Variants in POLDIP3 observed in about 807,000 individuals in gnomAD.
POLDIP3 encodes the protein DNA polymerase delta interacting protein 3.
In POLDIP3, 14 loss-of-function variants were observed where a neutral mutation model predicts 45.1. That is an observed-to-expected ratio of 0.31 (90% confidence interval 0.20 to 0.49). POLDIP3 has a LOEUF of 0.49. Ranked by LOEUF, POLDIP3 falls within the 20% of genes least tolerant of loss-of-function variation. The pLI is 0.99. For synonymous variants in POLDIP3, 223 were observed against 205.2 expected (o/e 1.09, Z -0.74); for missense variants, 511 against 538.8 (o/e 0.95, Z 0.51).
chr22:42,595,658 A>T, intron 5 of POLDIP3, 44 bp from the exon 6 acceptor site: 1 of 1,557,932 alleles, frequency 6.4e-7, no homozygotes, highest in Non-Finnish European at 8.8e-7. Flanking sequence ...GATGGCTGAT[A>T]AGCATTCCCA....
Position 42,585,479 on chromosome 22 carries a change from T to G in POLDIP3, c.*312A>C. ...GCCACAAGAAAGCCACCCAGAGAATTCAGTGTACCATTTCCAGATAAGAAA... is the reference window on the plus strand; with the variant it reads ...GCCACAAGAAAGCCACCCAGAGAATGCAGTGTACCATTTCCAGATAAGAAA... On this transcript the variant is annotated 3_prime_UTR_variant, in exon 9 of 9. Transcript: ENST00000252115. 1 of 389,986 alleles carries G rather than the reference T, an allele frequency of 2.6e-6. No individual in the cohort carries two copies. The highest frequency in any genetic ancestry group is 4.9e-6 in the Non-Finnish European group (1 of 205,352). The allele number at this position is 389,986 out of a possible 1,614,324, so 24.2% of individuals were successfully genotyped here.
At chr22:42,602,552 GCCT>G (rs1466189871) in intron 2 of POLDIP3, among the ~76,000 whole-genome samples, 4 of 149,444 alleles carry the variant, frequency 2.7e-5, no homozygotes, top group African/African-American at 4.9e-5. Flanking sequence ...ATTTCTATGG[GCCT>G]CCTTTTTCTT....
chr22:42,603,673 C>T (rs1397105114), intron 1 of POLDIP3: 1 of 155,040 alleles, frequency 6.4e-6, no homozygotes, highest in Non-Finnish European at 1.4e-5. Context: ...GGAAGGCAGA[C>T]ACCATCTACT....
chr22:42,606,335 A>C lies in POLDIP3; in HGVS notation c.60-3175T>G, dbSNP rs1002294186. On this transcript the variant is annotated intron_variant, in intron 1 of 8. Coordinates refer to ENST00000252115, the MANE Select transcript of POLDIP3 (RefSeq NM_032311.5). The stretch of plus-strand genomic sequence containing the variant: ...CAGGAGATCGAGAACAGCACGGGCA[A>C]CATAGCGAGACTCCCTGGGCATGGT... Among the ~76,000 whole-genome samples the C allele has an allele frequency of 1.3e-3, 191 of 152,202 alleles. 1 individual carries two copies. Among genetic ancestry groups the C allele is most frequent in the African/African-American group, 4.5e-3 (187 of 41,528 alleles).
At chr22:42,614,719 C>A in intron 1 of POLDIP3, 80 bp downstream of exon 1, 3 of 1,507,460 alleles carry the variant, frequency 2.0e-6, no homozygotes, top group Non-Finnish European at 1.8e-6. Flanking sequence ...CTCCGCGTCG[C>A]TCCCGGATCG....
intron 6 of POLDIP3, 60 bp downstream of exon 6, chr22:42,595,477 A>C: frequency 6.7e-7 from 1 of 1,499,128 alleles, no homozygotes; most frequent in Non-Finnish European, 9.3e-7. Flanking sequence ...GTGGGTCTTA[A>C]GAGACCTTTG....
At chr22:42,613,596 A>G (rs1217766428) in intron 1 of POLDIP3, among the ~76,000 whole-genome samples, 1 of 152,100 alleles carries the variant, frequency 6.6e-6, no homozygotes, top group Admixed American at 6.6e-5. Context: ...TTCCATCTCT[A>G]CTAAAAATAC....
intron 3 of POLDIP3, among the ~76,000 whole-genome samples, chr22:42,601,304 G>C (rs1217640640): frequency 6.6e-6 from 1 of 150,456 alleles, no homozygotes; most frequent in African/African-American, 2.5e-5. Flanking sequence ...CTTGAGCCCA[G>C]GAGTTCGAGA....
rs150238622 is a variant in POLDIP3 at position 42,587,565 on chromosome 22, C to T, written c.1029G>A (p.Pro343=). The T allele has an allele frequency of 8.8e-5, 142 of 1,613,956 alleles. 1 individual carries two copies. The South Asian group carries it at 1.2e-3, about 14-fold the overall frequency. The change falls in exon 8 of 9, where the codon CCG becomes CCA. Residue 343 remains proline, a synonymous_variant. Transcript: ENST00000252115. The stretch of plus-strand genomic sequence containing the variant: ...CATTCATGTGAAGGTTGCACTTCAT[C>T]GGCTGCCCTGAAAAACCAAAGAAAG... ...KYNNRCLDGQ[P]MKCNLHMNGN... is the part of the protein sequence containing the mutation.
chr22:42,596,508 G>A (rs1926003123), intron 4 of POLDIP3, 143 bp from the exon 5 acceptor site: 1 of 788,036 alleles, frequency 1.3e-6, no homozygotes, highest in Non-Finnish European at 2.0e-6. Flanking sequence ...GAGCCAAAAA[G>A]GCTGCCGGCT....
At chr22:42,614,380 T>A (rs1927328542) in intron 1 of POLDIP3, among the ~76,000 whole-genome samples, 1 of 152,114 alleles carries the variant, frequency 6.6e-6, no homozygotes, top group South Asian at 2.1e-4. Flanking sequence ...GCAAGTCACT[T>A]CCCCGCTACT....
At chr22:42,588,597 C>T (rs1205241802) in intron 7 of POLDIP3, among the ~76,000 whole-genome samples, 3 of 150,312 alleles carry the variant, frequency 2.0e-5, no homozygotes, top group African/African-American at 7.3e-5. Flanking sequence ...TCTAACTATA[C>T]ACTCTCTATA....
At chr22:42,601,672 A>T (rs960030442) in intron 3 of POLDIP3, among the ~76,000 whole-genome samples, 1 of 152,220 alleles carries the variant, frequency 6.6e-6, no homozygotes, top group Non-Finnish European at 1.5e-5. Flanking sequence ...GAGGCAGGAG[A>T]ATCACTTGAA....
chr22:42,609,453 C>T (rs1926983960), intron 1 of POLDIP3, among the ~76,000 whole-genome samples: 1 of 152,164 alleles, frequency 6.6e-6, no homozygotes, highest in Admixed American at 6.5e-5. Context: ...GGGAACCTGG[C>T]ATAGGTGTGA....
At chr22:42,613,046 A>T (rs1927223288) in intron 1 of POLDIP3, among the ~76,000 whole-genome samples, 1 of 151,874 alleles carries the variant, frequency 6.6e-6, no homozygotes, top group South Asian at 2.1e-4. Context: ...CCAACACAAA[A>T]CTCTGCACAC....
chr22:42,589,250 A>T (rs1883683372), intron 7 of POLDIP3, among the ~76,000 whole-genome samples: 3 of 152,036 alleles, frequency 2.0e-5, no homozygotes, highest in Admixed American at 2.0e-4. Flanking sequence ...CTCAAAAAAA[A>T]AAAAAAAAAG....
intron 2 of POLDIP3, 24 bp from the exon 3 acceptor site, chr22:42,602,080 T>G: frequency 1.2e-6 from 2 of 1,613,986 alleles, no homozygotes; most frequent in Non-Finnish European, 1.7e-6. Context: ...GTGGTCAGAA[T>G]CCACCCCACA....
chr22:42,610,345 G>A (rs950176249), intron 1 of POLDIP3, among the ~76,000 whole-genome samples: 3 of 152,068 alleles, frequency 2.0e-5, no homozygotes, highest in African/African-American at 7.2e-5. Flanking sequence ...CAAGCAGTCA[G>A]TACCAGGACC....
chr22:42,587,698 T>TG, intron 7 of POLDIP3, 126 bp from the exon 8 acceptor site: 1 of 874,440 alleles, frequency 1.1e-6, no homozygotes, highest in Non-Finnish European at 1.9e-6. Context: ...GCTCCACAGA[T>TG]GGAGATGGGG....
Sources: gnomAD v4.1 joint callset for allele counts (sites outside exome capture counted in the v4.1 genomes callset) on GRCh38, gnomAD v4.1.1 for gene constraint, MANE v1.5 for transcripts, NCBI Gene and HGNC (gene_info 2026-07-23, HGNC 2026-07-21) for gene names.